DROSHA: variants seen among roughly 807,000 people sequenced by gnomAD.
The protein encoded by DROSHA is drosha ribonuclease III.
A neutral mutation model predicts 181.9 loss-of-function variants in DROSHA; 56 were observed. The ratio of observed to expected loss-of-function variants is 0.31; its 90% CI spans 0.25 to 0.38. DROSHA has a LOEUF of 0.38. DROSHA is among the 10% of genes least tolerant of loss of function. The pLI is 1.00. For synonymous variants in DROSHA, 524 were observed against 591.2 expected (o/e 0.89, Z 1.65); for missense variants, 1,218 against 1,743.5 (o/e 0.70, Z 5.37).
chr5:31,490,184 T>C (rs995088569), intron 13 of DROSHA, among the ~76,000 whole-genome samples: 15 of 142,470 alleles, frequency 1.1e-4, no homozygotes, highest in Non-Finnish European at 4.6e-5. Flanking sequence ...CCCTTTTCCT[T>C]TTTTTTTTTT....
At chr5:31,431,741 C>T (rs1468061526) in intron 25 of DROSHA, 63 bp from the exon 26 acceptor site, 4 of 1,513,154 alleles carry the variant, frequency 2.6e-6, no homozygotes, top group Non-Finnish European at 3.7e-6. Flanking sequence ...TATAGTAACT[C>T]AGCATCTCTT....
intron 29 of DROSHA, among the ~76,000 whole-genome samples, chr5:31,422,075 G>C (rs947937804): frequency 1.5e-5 from 2 of 135,708 alleles, no homozygotes; most frequent in Non-Finnish European, 3.0e-5. Context: ...CTTCGCAACA[G>C]AGTGAGATCT....
At chr5:31,500,967 C>A (rs1304809028) in intron 11 of DROSHA, among the ~76,000 whole-genome samples, 1 of 152,188 alleles carries the variant, frequency 6.6e-6, no homozygotes, top group Non-Finnish European at 1.5e-5. Flanking sequence ...GCAGGTGATT[C>A]CAATAAATAG....
intron 17 of DROSHA, among the ~76,000 whole-genome samples, chr5:31,469,958 A>G (rs1378665284): frequency 6.6e-6 from 1 of 152,218 alleles, no homozygotes; most frequent in East Asian, 1.9e-4. Flanking sequence ...GCAATCTTTC[A>G]AAGCAAGTCC....
In DROSHA at chr5:31,521,138, T is replaced by C. The variant is rs975072926; in HGVS notation, c.932A>G (p.Tyr311Cys). 7 of 1,613,692 alleles carry C rather than the reference T, an allele frequency of 4.3e-6. No homozygotes were observed. The East Asian group carries it at 6.7e-5, about 15-fold the overall frequency. ...PSLERSYKKE[Y>C]KRSGRSYGLS... Reference sequence around the variant, plus strand: ...CCTTGCTTACCTTCCAGATCTCTTATACTCTTTTTTGTAGGACCTTTCCAG... The same window carrying C: ...CCTTGCTTACCTTCCAGATCTCTTACACTCTTTTTTGTAGGACCTTTCCAG... The change falls in exon 6 of 36, where the codon TAT (tyrosine) becomes TGT (cysteine). Residue 311 changes from tyrosine (Y) to cysteine (C), a missense_variant. Tyr to Cys is a radical substitution (Grantham distance 194). Transcript: ENST00000344624.
chr5:31,415,234 GCAGA>G (rs1741795816), intron 30 of DROSHA, among the ~76,000 whole-genome samples: 2 of 152,180 alleles, frequency 1.3e-5, no homozygotes, highest in Admixed American at 1.3e-4. Context: ...TGTAAATTAA[GCAGA>G]CTGTGATTTA....
chr5:31,449,539 G>C, intron 21 of DROSHA, 120 bp from the exon 22 acceptor site: 1 of 1,074,400 alleles, frequency 9.3e-7, no homozygotes, highest in Non-Finnish European at 1.3e-6. Context: ...ACTAGCCTGG[G>C]CAACACAGTG....
chr5:31,409,583 T>A lies in DROSHA; in HGVS notation c.3668-251A>T. ...TTAGCTAAGGGCTAAAGGAATAGCTTAAAAGGTACACAGAATGCCGCTGTA... is the reference window on the plus strand; with the variant it reads ...TTAGCTAAGGGCTAAAGGAATAGCTAAAAAGGTACACAGAATGCCGCTGTA... On this transcript the variant is annotated intron_variant, in intron 31 of 35. Transcript: ENST00000344624. This position sits in a 1 kb window ranked among gnomAD's most constrained non-coding sequence, Gnocchi z 4.0. The A allele has an allele frequency of 2.2e-6, 1 of 451,226 alleles. No individual in the cohort carries two copies. The highest frequency in any genetic ancestry group is 4.0e-6 in the Non-Finnish European group (1 of 247,236). 28.0% of individuals were successfully genotyped at this position (451,226 alleles called of 1,614,324 possible).
At chr5:31,434,717 T>C (rs148135802) in intron 25 of DROSHA, among the ~76,000 whole-genome samples, 2 of 152,308 alleles carry the variant, frequency 1.3e-5, no homozygotes, top group African/African-American at 4.8e-5. Context: ...AATCAAACTT[T>C]CATATCAAAA....
chr5:31,500,201 T>C (rs1022727235), intron 11 of DROSHA, among the ~76,000 whole-genome samples: 3 of 152,184 alleles, frequency 2.0e-5, no homozygotes, highest in Non-Finnish European at 2.9e-5. Context: ...ATACCTATAA[T>C]TGGGGTCATT....
At chr5:31,494,051 C>T (rs1483828103) in intron 12 of DROSHA, among the ~76,000 whole-genome samples, 4 of 151,712 alleles carry the variant, frequency 2.6e-5, no homozygotes, top group Non-Finnish European at 5.9e-5. Context: ...TCACTACAGA[C>T]TCTGCCTCCC....
chr5:31,441,061 A>C (rs1372340901), intron 23 of DROSHA, among the ~76,000 whole-genome samples: 1 of 152,046 alleles, frequency 6.6e-6, no homozygotes, highest in African/African-American at 2.4e-5. Flanking sequence ...AAAAAGAGAG[A>C]GAGAAAGAGA....
In DROSHA at chr5:31,449,502, G is replaced by A; in HGVS notation, c.2683-83C>T. The A allele has an allele frequency of 2.1e-6, 3 of 1,436,958 alleles. No individual in the cohort carries two copies. The Admixed American group carries it at 6.2e-5, about 30-fold the overall frequency. 89.0% of individuals were successfully genotyped at this position (1,436,958 alleles called of 1,614,324 possible). A position where few individuals can be genotyped will look rare whatever the true frequency, so the allele number is the denominator to read the frequency against. Reference sequence around the variant, plus strand: ...CTCACGCCTGTAATCCTAAGGTGGAGGGACCACTTTAGCCCAGGAGATCAA... The same window carrying A: ...CTCACGCCTGTAATCCTAAGGTGGAAGGACCACTTTAGCCCAGGAGATCAA... On this transcript the variant is annotated intron_variant, in intron 21 of 35. Transcript: ENST00000344624.
At chr5:31,422,608 C>T (rs1456750790) in intron 29 of DROSHA, among the ~76,000 whole-genome samples, 179 bp downstream of exon 29, 5 of 152,234 alleles carry the variant, frequency 3.3e-5, no homozygotes, top group African/African-American at 1.2e-4. Context: ...GAACCAACAA[C>T]ATTGGATTGG....
intron 8 of DROSHA, among the ~76,000 whole-genome samples, chr5:31,512,414 G>C (rs189618940): frequency 1.6e-4 from 25 of 152,272 alleles, no homozygotes; most frequent in Admixed American, 1.6e-3. Context: ...CTGAACTTCA[G>C]TGTCTTCATC....
At chr5:31,516,627 G>A (rs1739302468) in intron 6 of DROSHA, among the ~76,000 whole-genome samples, 1 of 152,096 alleles carries the variant, frequency 6.6e-6, no homozygotes, top group African/African-American at 2.4e-5. Context: ...TACTGTCAAT[G>A]TATGTTCGCT....
At chr5:31,464,110 G>C in intron 20 of DROSHA, 126 bp downstream of exon 20, 1 of 783,014 alleles carries the variant, frequency 1.3e-6, no homozygotes, top group Non-Finnish European at 2.0e-6. Context: ...ATTTATAGTT[G>C]ATATTCCATT....
intron 8 of DROSHA, among the ~76,000 whole-genome samples, chr5:31,512,743 C>T (rs1198104988): frequency 6.6e-6 from 1 of 152,158 alleles, no homozygotes; most frequent in African/African-American, 2.4e-5. Context: ...GAGAAGGACT[C>T]GACCACCATT....
At chr5:31,513,093 G>T (rs976976292) in intron 8 of DROSHA, among the ~76,000 whole-genome samples, 1 of 152,204 alleles carries the variant, frequency 6.6e-6, no homozygotes, top group African/African-American at 2.4e-5. Context: ...AATCCCTGGG[G>T]TAGGCATGTC....
Sources: gnomAD v4.1 joint callset for allele counts (sites outside exome capture counted in the v4.1 genomes callset) on GRCh38, gnomAD v4.1.1 for gene constraint, Gnocchi (gnomAD v3.1) non-coding constraint, MANE v1.5 for transcripts, NCBI Gene and HGNC (gene_info 2026-07-23, HGNC 2026-07-21) for gene names.